PHF20: variants seen among roughly 807,000 people sequenced by gnomAD.
The protein encoded by PHF20 is glioma-expressed antigen 2.
In PHF20, 23 loss-of-function variants were observed where a neutral mutation model predicts 113.5. The observed-to-expected ratio is 0.20, with a 90% CI of 0.15 to 0.29. The LOEUF (loss-of-function observed/expected upper bound fraction) is 0.29, where lower values mean the gene tolerates loss of function less well. Ranked by LOEUF, PHF20 falls within the 10% of genes least tolerant of loss-of-function variation. The probability of loss-of-function intolerance (pLI) is 1.00; values close to 1 mark genes in which losing one functional copy is unlikely to be tolerated. For synonymous variants in PHF20, 434 were observed against 457.3 expected, an observed-to-expected ratio of 0.95 and a Z score of 0.65; for missense variants, 943 against 1,219.6, an observed-to-expected ratio of 0.77 and a Z score of 3.38.
chr20:35,825,776 C>T (rs962104350), intron 2 of PHF20, among the ~76,000 whole-genome samples: 9 of 152,158 alleles, frequency 5.9e-5, no homozygotes, highest in South Asian at 2.1e-4. Context: ...GCCTCAGCCT[C>T]CTGTGTAGTT....
intron 4 of PHF20, among the ~76,000 whole-genome samples, chr20:35,852,199 C>T (rs905922929): frequency 2.7e-4 from 41 of 152,160 alleles, no homozygotes; most frequent in African/African-American, 9.2e-4. Context: ...CCTAAACTGT[C>T]GTTCCCACAG....
intron 15 of PHF20, among the ~76,000 whole-genome samples, chr20:35,932,726 C>T (rs548402749): frequency 2.9e-4 from 44 of 152,262 alleles, no homozygotes; most frequent in Admixed American, 5.9e-4. Context: ...CCACTGCACC[C>T]GGCCCCATCT....
intron 6 of PHF20, among the ~76,000 whole-genome samples, chr20:35,864,412 AC>A: frequency 8.7e-6 from 1 of 115,062 alleles, no homozygotes; most frequent in Non-Finnish European, 1.8e-5. Flanking sequence ...CTCAAAACAC[AC>A]ACACACACAC....
Position 35,801,482 on chromosome 20 carries a change from CT to C in PHF20, c.-32-4del. 1 of 1,431,000 alleles carries C rather than the reference CT, an allele frequency of 7.0e-7. No homozygotes were observed. The highest frequency in any genetic ancestry group is 1.2e-5 in the South Asian group (1 of 85,906). 88.6% of individuals were successfully genotyped at this position (1,431,000 alleles called of 1,614,324 possible). ...CTAAGTTTCATAAATATTTAATTGGCTTTTTCAGGAGAATAAAGGCAGCCCC... is the reference window on the plus strand; with the variant it reads ...CTAAGTTTCATAAATATTTAATTGGCTTTTCAGGAGAATAAAGGCAGCCCC... On this transcript the variant is annotated splice_polypyrimidine_tract_variant and splice_region_variant and intron_variant, in intron 1 of 17. Coordinates refer to ENST00000374012, the MANE Select transcript of PHF20 (RefSeq NM_016436.5).
intron 1 of PHF20, among the ~76,000 whole-genome samples, chr20:35,776,343 A>C (rs1315220173): frequency 6.6e-6 from 1 of 152,074 alleles, no homozygotes; most frequent in Non-Finnish European, 1.5e-5. Context: ...GGATAAAGCT[A>C]TGTTCCCCGA....
intron 2 of PHF20, among the ~76,000 whole-genome samples, chr20:35,815,357 C>T (rs2042053849): frequency 6.6e-6 from 1 of 152,034 alleles, no homozygotes; most frequent in Non-Finnish European, 1.5e-5. Flanking sequence ...GTGGGCAGAT[C>T]ACTTGAGGTC....
At chr20:35,896,081 ATGTGTGTG>A (rs10633976) in intron 9 of PHF20, among the ~76,000 whole-genome samples, 11 of 143,212 alleles carry the variant, frequency 7.7e-5, no homozygotes, top group East Asian at 6.2e-4. Context: ...ATGCTTTGGG[ATGTGTGTG>A]TGTGTGTGTG....
chr20:35,805,616 A>G (rs1321364434), intron 2 of PHF20, among the ~76,000 whole-genome samples: 3 of 151,612 alleles, frequency 2.0e-5, no homozygotes, highest in African/African-American at 7.3e-5. Context: ...TATAGGTGTG[A>G]GCCACTATGC....
intron 13 of PHF20, among the ~76,000 whole-genome samples, chr20:35,925,594 C>T (rs1164878115): frequency 4.4e-4 from 66 of 151,354 alleles, no homozygotes; most frequent in Non-Finnish European, 1.2e-4. Flanking sequence ...TATAAATTAA[C>T]CCAAGGATAA....
In PHF20 at chr20:35,783,489, G is replaced by C. The variant is rs539821258; in HGVS notation, c.-33+11410G>C. ...GGAGTGCAGTGGCACAATCACAGCT[G>C]TCTTGCAGCTTCAACCTCCTGGGTT... is the stretch of plus-strand genomic sequence containing the variant. On this transcript the variant is annotated intron_variant, in intron 1 of 17. Coordinates refer to ENST00000374012, the MANE Select transcript of PHF20 (RefSeq NM_016436.5). Among the ~76,000 whole-genome samples the C allele has an allele frequency of 1.4e-4, 21 of 151,708 alleles. No homozygotes were observed. In the South Asian group the frequency reaches 4.0e-3, roughly 29 times the overall value.
At chr20:35,815,754 C>T (rs1461676079) in intron 2 of PHF20, among the ~76,000 whole-genome samples, 75 of 150,568 alleles carry the variant, frequency 5.0e-4, no homozygotes, top group South Asian at 2.1e-4. Flanking sequence ...CGTCAGCCAC[C>T]GCGCCTGGCA....
At chr20:35,924,335 C>T (rs982690285) in intron 13 of PHF20, among the ~76,000 whole-genome samples, 2 of 151,468 alleles carry the variant, frequency 1.3e-5, no homozygotes, top group Non-Finnish European at 2.9e-5. Context: ...GCTGGGATTA[C>T]AGGCATGCAC....
rs559047168 is a variant in PHF20, at chr20:35,852,641, C to T, written c.340+5207C>T. On this transcript the variant is annotated intron_variant, in intron 4 of 17. Transcript: ENST00000374012. The stretch of plus-strand genomic sequence containing the variant: ...TGAGACGGAGTCTCCCTCTGTTGCC[C>T]ATGCTGGAGTGCAGTGGCTCGATCT... Among the ~76,000 whole-genome samples, 7 of 151,800 alleles carry T rather than the reference C, an allele frequency of 4.6e-5. No individual in the cohort carries two copies. In the East Asian group the frequency reaches 1.2e-3, roughly 26 times the overall value.
chr20:35,880,393 G>A (rs2054606821), intron 9 of PHF20, among the ~76,000 whole-genome samples: 1 of 152,192 alleles, frequency 6.6e-6, no homozygotes, highest in Non-Finnish European at 1.5e-5. Flanking sequence ...CTGCCAAACT[G>A]AGGTTGGTTG....
At chr20:35,824,335 G>A (rs148115719) in intron 2 of PHF20, among the ~76,000 whole-genome samples, 1 of 152,246 alleles carries the variant, frequency 6.6e-6, no homozygotes, top group Non-Finnish European at 1.5e-5. Flanking sequence ...TAGGCTGGGT[G>A]TGGTGGCTCA....
At chr20:35,838,835 A>C (rs1283735156) in intron 2 of PHF20, among the ~76,000 whole-genome samples, 1 of 150,992 alleles carries the variant, frequency 6.6e-6, no homozygotes, top group Non-Finnish European at 1.5e-5. Context: ...AAAAAAAAAA[A>C]CCCAATAAAT....
In PHF20 at chr20:35,949,258, G is replaced by A. The variant is rs34977741; in HGVS notation, c.*1631G>A. On this transcript the variant is annotated 3_prime_UTR_variant, in exon 18 of 18. Transcript: ENST00000374012. ...CTGGCGTGGGAAGAAATGCACAGGC[G>A]TGCATGGCATGCACGTTCAGACAGC... The A allele has an allele frequency of 0.018, 2,811 of 152,542 alleles. 39 individuals carry two copies. The highest frequency in any genetic ancestry group is 0.035 in the South Asian group (167 of 4,828). 9.4% of individuals were successfully genotyped at this position (152,542 alleles called of 1,614,324 possible). A position where few individuals can be genotyped will look rare whatever the true frequency, so the allele number is the denominator to read the frequency against.
intron 17 of PHF20, among the ~76,000 whole-genome samples, chr20:35,944,699 A>G (rs544200830): frequency 6.6e-6 from 1 of 152,232 alleles, no homozygotes; most frequent in African/African-American, 2.4e-5. Context: ...CAGCCTCCCA[A>G]GTAGCAGGCA....
chr20:35,863,488 A>G (rs771515722), intron 6 of PHF20, 88 bp downstream of exon 6: 554 of 1,311,380 alleles, frequency 4.2e-4, no homozygotes, highest in Non-Finnish European at 5.3e-4. Context: ...GTGTACGTCA[A>G]TCGTTTATTT....
Sources: gnomAD v4.1 joint callset for allele counts (sites outside exome capture counted in the v4.1 genomes callset) on GRCh38, gnomAD v4.1.1 for gene constraint, MANE v1.5 for transcripts, NCBI Gene and HGNC (gene_info 2026-07-23, HGNC 2026-07-21) for gene names.